Variants in ARPP21 observed in about 807,000 individuals in gnomAD.
ARPP21 encodes the protein cAMP-regulated phosphoprotein 21.
In ARPP21, 69 loss-of-function variants were observed where a neutral mutation model predicts 113.2. The observed-to-expected ratio is 0.61, with a 90% confidence interval of 0.50 to 0.74. The LOEUF (loss-of-function observed/expected upper bound fraction) is 0.74. Ranked by LOEUF, ARPP21 falls within the 30% of genes least tolerant of loss-of-function variation. The pLI is 0.00. For synonymous variants in ARPP21, 368 were observed against 375.5 expected, an observed-to-expected ratio of 0.98 and a Z score of 0.23; for missense variants, 1,070 against 1,037.4, an observed-to-expected ratio of 1.03 and a Z score of -0.43.
chr3:35,697,402 G>T (rs939596823), intron 9 of ARPP21, among the ~76,000 whole-genome samples: 1 of 151,606 alleles, frequency 6.6e-6, no homozygotes. Context: ...ATTTTGCCTG[G>T]AGTGATGAAT....
At position 35,772,192 on chromosome 3, in the gene ARPP21, A is replaced by G. The variant is rs553248100; in HGVS notation, c.2138-20190A>G. Among the ~76,000 whole-genome samples, 79 of 152,336 alleles carry G rather than the reference A, an allele frequency of 5.2e-4. No individual in the cohort carries two copies. In the South Asian group the frequency reaches 0.013, roughly 25 times the overall value. ...AGCATTTGTGGGCATCTGCTGAAGTATGAAGTATCCGTATCAGTTATTCTT... is the reference window on the plus strand; with the variant it reads ...AGCATTTGTGGGCATCTGCTGAAGTGTGAAGTATCCGTATCAGTTATTCTT... On this transcript the variant is annotated intron_variant, in intron 19 of 20. Transcript: ENST00000684406.
At chr3:35,718,097 C>T (rs2092655286) in intron 13 of ARPP21, among the ~76,000 whole-genome samples, 1 of 152,040 alleles carries the variant, frequency 6.6e-6, no homozygotes, top group South Asian at 2.1e-4. Flanking sequence ...GGAATTACTA[C>T]AAGAACAACA....
chr3:35,667,948 A>AAAGAAGAAGAAGAAGAAGAAGAAG (rs4025938), intron 1 of ARPP21, among the ~76,000 whole-genome samples: 1 of 58,038 alleles, frequency 1.7e-5, no homozygotes, highest in African/African-American at 6.7e-5. Context: ...GAGAAGAAGA[A>AAAGAAGAAGAAGAAGAAGAAGAAG]AAGAAGAAGA....
rs1482461756 is a variant in ARPP21 at position 35,653,822 on chromosome 3, T to C, written c.-213+13424T>C. Among the ~76,000 whole-genome samples, 3 of 152,070 alleles carry C rather than the reference T, an allele frequency of 2.0e-5. No homozygotes were observed. The East Asian group carries it at 5.8e-4, about 29-fold the overall frequency. On this transcript the variant is annotated intron_variant, in intron 1 of 20. Transcript: ENST00000684406. ...ACTTCTAAGAATATGTACACTGAAA[T>C]TGTATGTATATCAATATTTGTTTTG...
chr3:35,704,109 T>C (rs1277029786), intron 9 of ARPP21, among the ~76,000 whole-genome samples: 1 of 151,910 alleles, frequency 6.6e-6, no homozygotes, highest in African/African-American at 2.4e-5. Context: ...AAAATTCAAA[T>C]AGTTTCTCCA....
At chr3:35,717,677 G>A (rs891598644) in intron 13 of ARPP21, among the ~76,000 whole-genome samples, 7 of 152,066 alleles carry the variant, frequency 4.6e-5, no homozygotes, top group Non-Finnish European at 7.4e-5. Flanking sequence ...TTCACTGACA[G>A]ATTGCAATTG....
At chr3:35,656,726 T>G in intron 1 of ARPP21, among the ~76,000 whole-genome samples, 1 of 152,130 alleles carries the variant, frequency 6.6e-6, no homozygotes, top group East Asian at 1.9e-4. Flanking sequence ...TTCTGTAGCC[T>G]GATAGTGATG....
intron 9 of ARPP21, among the ~76,000 whole-genome samples, chr3:35,698,689 C>A (rs1478130129): frequency 6.6e-6 from 1 of 151,582 alleles, no homozygotes; most frequent in Non-Finnish European, 1.5e-5. Flanking sequence ...CATTAACAGG[C>A]TTAATACTCT....
intron 1 of ARPP21, among the ~76,000 whole-genome samples, chr3:35,664,206 G>A (rs1208325477): frequency 1.3e-5 from 2 of 152,128 alleles, no homozygotes; most frequent in African/African-American, 4.8e-5. Flanking sequence ...GGGGTATAAT[G>A]TGGTATTTCA....
At chr3:35,789,591 G>A (rs2096705681) in intron 19 of ARPP21, among the ~76,000 whole-genome samples, 1 of 152,180 alleles carries the variant, frequency 6.6e-6, no homozygotes, top group South Asian at 2.1e-4. Context: ...GAACCCCAGT[G>A]TAAAGCTCGT....
intron 19 of ARPP21, among the ~76,000 whole-genome samples, chr3:35,759,329 C>T (rs2095678463): frequency 6.6e-6 from 1 of 152,032 alleles, no homozygotes; most frequent in African/African-American, 2.4e-5. Context: ...CAACCTTTTC[C>T]CAATACAGTT....
chr3:35,790,977 C>G (rs559111273), intron 19 of ARPP21, among the ~76,000 whole-genome samples: 1 of 152,216 alleles, frequency 6.6e-6, no homozygotes, highest in East Asian at 1.9e-4. Context: ...TCAAATTGGC[C>G]TTTTCCCAAG....
At chr3:35,790,702 C>G (rs1010063826) in intron 19 of ARPP21, among the ~76,000 whole-genome samples, 1 of 152,110 alleles carries the variant, frequency 6.6e-6, no homozygotes, top group African/African-American at 2.4e-5. Flanking sequence ...CTTAAATAGA[C>G]CTGCCAAGCA....
chr3:35,779,386 G>A (rs1265944808), intron 19 of ARPP21, among the ~76,000 whole-genome samples: 2 of 152,098 alleles, frequency 1.3e-5, no homozygotes, highest in East Asian at 1.9e-4. Flanking sequence ...AGGAAGCACC[G>A]TGGCATGTAT....
At chr3:35,702,904 C>T (rs898733056) in intron 9 of ARPP21, among the ~76,000 whole-genome samples, 1 of 151,768 alleles carries the variant, frequency 6.6e-6, no homozygotes, top group Non-Finnish European at 1.5e-5. Context: ...ATTAAGGGAA[C>T]AGTGTCATTA....
intron 1 of ARPP21, among the ~76,000 whole-genome samples, chr3:35,676,520 G>A (rs1005996234): frequency 1.4e-5 from 1 of 70,180 alleles, no homozygotes; most frequent in South Asian, 5.2e-4. Context: ...ATGGTTCTCT[G>A]GCAATTTTGG....
chr3:35,736,796 C>T (rs182723718), intron 15 of ARPP21, among the ~76,000 whole-genome samples: 3 of 152,220 alleles, frequency 2.0e-5, no homozygotes, highest in African/African-American at 4.8e-5. Context: ...GGAAAGCAGC[C>T]GTTATCCTTC....
At position 35,729,382 on chromosome 3, in the gene ARPP21, C is replaced by G. The variant is rs2093783425; in HGVS notation, c.1305C>G (p.Val435=). The G allele has an allele frequency of 6.8e-6, 11 of 1,614,204 alleles. No homozygotes were observed. The highest frequency in any genetic ancestry group is 4.0e-5 in the African/African-American group (3 of 75,058). Residue 435 remains valine (V), a synonymous_variant, in exon 15 of 21, where the codon GTC becomes GTG. Coordinates refer to ENST00000684406, the MANE Select transcript of ARPP21 (RefSeq NM_001385562.1). The part of the protein sequence containing the change: ...THPPLQSTPL[V]SGVAAGSPGC... The stretch of plus-strand genomic sequence containing the variant: ...CACCTCTCCAGAGCACACCCCTAGT[C>G]TCAGGTGTGGCAGCTGGCTCTCCAG...
intron 8 of ARPP21, among the ~76,000 whole-genome samples, chr3:35,690,570 G>T (rs1225633105): frequency 6.6e-6 from 1 of 151,426 alleles, no homozygotes; most frequent in East Asian, 2.0e-4. Flanking sequence ...TCCTGTGCCT[G>T]GCCCCGTTGA....
Sources: allele counts gnomAD v4.1 joint callset (sites outside exome capture counted in the v4.1 genomes callset), GRCh38; gene constraint gnomAD v4.1.1; transcripts MANE v1.5; gene names NCBI Gene and HGNC (gene_info 2026-07-23, HGNC 2026-07-21).